Variants in APBB2 observed in about 807,000 individuals in gnomAD.
APBB2 encodes the protein amyloid beta precursor protein binding family B member 2.
APBB2 carries 38 observed loss-of-function variants against 82.5 expected under a neutral mutation model. The observed-to-expected ratio is 0.46, with a 90% CI of 0.36 to 0.60. APBB2 has a LOEUF of 0.60. Ranked by LOEUF, APBB2 falls within the 20% of genes least tolerant of loss-of-function variation. APBB2 has a pLI of 0.00. For missense variants in APBB2, 772 were observed against 972.3 expected, an observed-to-expected ratio of 0.79 and a Z score of 2.74; for synonymous variants, 341 against 368.2, an observed-to-expected ratio of 0.93 and a Z score of 0.85.
chr4:41,176,843 A>G (rs1464692013), intron 1 of APBB2, among the ~76,000 whole-genome samples: 1 of 152,228 alleles, frequency 6.6e-6, no homozygotes. Context: ...TCTTATTAAT[A>G]TCTAAATTGA....
intron 12 of APBB2, among the ~76,000 whole-genome samples, chr4:40,835,148 C>T (rs1000206536): frequency 8.6e-5 from 13 of 151,744 alleles, no homozygotes; most frequent in Admixed American, 7.9e-4. Flanking sequence ...TGGTGGCGGG[C>T]GCCTGTAGTC....
chr4:41,055,892 G>A (rs35802603), intron 4 of APBB2, among the ~76,000 whole-genome samples: 16,683 of 152,214 alleles, frequency 0.11, 1,031 homozygotes, highest in Middle Eastern at 0.17. Context: ...ATAACTTAAT[G>A]GTAATAAATG....
intron 10 of APBB2, among the ~76,000 whole-genome samples, chr4:40,895,141 G>A (rs2154353820): frequency 6.6e-6 from 1 of 152,244 alleles, no homozygotes; most frequent in East Asian, 1.9e-4. Context: ...CACAGACTGG[G>A]CACCTCGTTC....
At chr4:41,092,792 C>T (rs1412939740) in intron 3 of APBB2, among the ~76,000 whole-genome samples, 45 of 152,174 alleles carry the variant, frequency 3.0e-4, no homozygotes, top group Admixed American at 2.9e-3. Flanking sequence ...AAAAATATCA[C>T]CGGCCTCTGT....
intron 6 of APBB2, among the ~76,000 whole-genome samples, chr4:40,948,338 C>T (rs1283407294): frequency 1.3e-5 from 2 of 152,142 alleles, no homozygotes; most frequent in African/African-American, 4.8e-5. Flanking sequence ...AATCCCAGCA[C>T]TCTAGGAAGC....
chr4:41,190,241 A>AT (rs1160837303), intron 1 of APBB2, among the ~76,000 whole-genome samples: 8,968 of 71,862 alleles, frequency 0.12, 2,661 homozygotes, highest in Non-Finnish European at 0.14. Flanking sequence ...TACATAGGCT[A>AT]TTTTTTTTTT....
At chr4:41,166,180 T>C (rs1390372796) in intron 1 of APBB2, among the ~76,000 whole-genome samples, 1 of 151,340 alleles carries the variant, frequency 6.6e-6, no homozygotes, top group African/African-American at 2.4e-5. Context: ...AAGTACCCAC[T>C]TTCTGCTCCA....
chr4:40,899,441 T>C (rs1368384485), intron 10 of APBB2, among the ~76,000 whole-genome samples: 1 of 151,832 alleles, frequency 6.6e-6, no homozygotes, highest in Admixed American at 6.5e-5. Flanking sequence ...TACAGCCATC[T>C]ACCTGCAGAG....
intron 6 of APBB2, among the ~76,000 whole-genome samples, chr4:40,957,624 C>T (rs1178730975): frequency 1.3e-5 from 2 of 151,124 alleles, no homozygotes; most frequent in Non-Finnish European, 2.9e-5. Flanking sequence ...GCTCTTGTTG[C>T]CCCGGCTGGA....
At chr4:40,892,866 C>T (rs1772444534) in intron 11 of APBB2, 1 of 162,086 alleles carries the variant, frequency 6.2e-6, no homozygotes, top group Admixed American at 6.4e-5. Context: ...ACTTTTAAAG[C>T]AGAGGCATCA....
chr4:41,021,167 T>C (rs1811382614), intron 5 of APBB2, among the ~76,000 whole-genome samples: 1 of 150,200 alleles, frequency 6.7e-6, no homozygotes. Flanking sequence ...TGAGCTCAAC[T>C]AACAACTTCT....
intron 13 of APBB2, 115 bp from the exon 14 acceptor site, chr4:40,827,334 C>CCTG: frequency 1.2e-6 from 1 of 815,478 alleles, no homozygotes; most frequent in Non-Finnish European, 2.0e-6. Context: ...CAGCTTTAGT[C>CCTG]TATTGCCTGA....
intron 4 of APBB2, among the ~76,000 whole-genome samples, chr4:41,051,702 T>C (rs991944276): frequency 2.6e-5 from 4 of 152,210 alleles, no homozygotes; most frequent in South Asian, 2.1e-4. Flanking sequence ...TCATTACCTG[T>C]CTGCCCTCAT....
At chr4:40,939,130 C>T (rs1560333178) in intron 7 of APBB2, among the ~76,000 whole-genome samples, 1 of 152,340 alleles carries the variant, frequency 6.6e-6, no homozygotes, top group South Asian at 2.1e-4. Flanking sequence ...TTTTCAGCCT[C>T]TATAACCATA....
intron 3 of APBB2, among the ~76,000 whole-genome samples, chr4:41,067,310 G>A (rs1732248077): frequency 6.6e-6 from 1 of 152,026 alleles, no homozygotes; most frequent in African/African-American, 2.4e-5. Flanking sequence ...TCAGGAGGCT[G>A]AGGCAGGAAA....
intron 4 of APBB2, among the ~76,000 whole-genome samples, chr4:41,054,240 T>C (rs1220670801): frequency 1.3e-5 from 2 of 152,164 alleles, no homozygotes; most frequent in African/African-American, 2.4e-5. Context: ...ACAAGCTCAG[T>C]TGTCAGGCTT....
intron 6 of APBB2, among the ~76,000 whole-genome samples, chr4:40,976,720 T>C (rs994799466): frequency 6.6e-6 from 1 of 152,124 alleles, no homozygotes; most frequent in Non-Finnish European, 1.5e-5. Context: ...GCTTCCAGTC[T>C]AGGGCTGGAA....
chr4:41,177,942 T>C (rs1489891973), intron 1 of APBB2, among the ~76,000 whole-genome samples: 1 of 152,124 alleles, frequency 6.6e-6, no homozygotes, highest in African/African-American at 2.4e-5. Context: ...GCTTAAGAAG[T>C]TTCAGATTTT....
intron 10 of APBB2, among the ~76,000 whole-genome samples, chr4:40,901,502 G>GT (rs553153375): frequency 5.3e-5 from 8 of 151,716 alleles, no homozygotes; most frequent in Non-Finnish European, 8.8e-5. Context: ...TGACTTCAGG[G>GT]TTTTTTTTGT....
Sources: allele counts gnomAD v4.1 joint callset (sites outside exome capture counted in the v4.1 genomes callset), GRCh38; gene constraint gnomAD v4.1.1; transcripts MANE v1.5; gene names NCBI Gene and HGNC (gene_info 2026-07-23, HGNC 2026-07-21).